GRK1: variants seen among roughly 807,000 people sequenced by gnomAD.
GRK1 encodes the protein rhodopsin kinase GRK1.
Under a neutral mutation model 41.7 loss-of-function variants are expected in GRK1, and 28 were observed. The ratio of observed to expected loss-of-function variants is 0.67; its 90% CI spans 0.50 to 0.92. The LOEUF (loss-of-function observed/expected upper bound fraction) is 0.92, where lower values mean the gene tolerates loss of function less well. GRK1 is among the 40% of genes least tolerant of loss of function. The probability of loss-of-function intolerance (pLI) is 0.00; values close to 1 mark genes in which losing one functional copy is unlikely to be tolerated. For missense variants in GRK1, 703 were observed against 671.2 expected, an observed-to-expected ratio of 1.05 and a Z score of -0.52; for synonymous variants, 327 against 286.7, an observed-to-expected ratio of 1.14 and a Z score of -1.42.
intron 4 of GRK1, among the ~76,000 whole-genome samples, chr13:113,726,730 G>T (rs534350716): frequency 2.0e-5 from 3 of 152,186 alleles, no homozygotes; most frequent in Admixed American, 6.5e-5. Flanking sequence ...GCTCGTGCCC[G>T]GCCTGGGAGC....
At chr13:113,730,713 G>A (rs1171796432) in intron 4 of GRK1, among the ~76,000 whole-genome samples, 1 of 152,234 alleles carries the variant, frequency 6.6e-6, no homozygotes, top group African/African-American at 2.4e-5. Context: ...CTGGGTCACC[G>A]GACAACTGGA....
At chr13:113,658,102 C>G in the GRK1 span, 2 of 1,612,804 alleles carry the variant, frequency 1.2e-6, no homozygotes, top group Non-Finnish European at 1.7e-6. Context: ...TGGAACTCCT[C>G]CATGCGCTGG....
At chr13:113,732,523 A>G (rs1375947971) in intron 5 of GRK1, among the ~76,000 whole-genome samples, 1 of 152,136 alleles carries the variant, frequency 6.6e-6, no homozygotes, top group Non-Finnish European at 1.5e-5. Context: ...AAGACAACAG[A>G]GCCACCGAGG....
At chr13:113,726,894 G>A (rs947829273) in intron 4 of GRK1, among the ~76,000 whole-genome samples, 7 of 152,220 alleles carry the variant, frequency 4.6e-5, no homozygotes, top group African/African-American at 1.7e-4. Context: ...ACTCTTTTGG[G>A]GAAAAAGGAT....
chr13:113,669,076 C>G (rs2049839318), intron 1 of GRK1, among the ~76,000 whole-genome samples: 1 of 152,190 alleles, frequency 6.6e-6, no homozygotes, highest in South Asian at 2.1e-4. Flanking sequence ...TAAATTTAAC[C>G]CAACATTCAG....
chr13:113,728,451 C>CGAT (rs1236482643), intron 4 of GRK1, among the ~76,000 whole-genome samples: 16 of 136,612 alleles, frequency 1.2e-4, no homozygotes, highest in South Asian at 7.3e-4. Flanking sequence ...GTACCCATGG[C>CGAT]GAGGAGTACC....
At chr13:113,665,449 G>A (rs140949399), upstream of GRK1, among the ~76,000 whole-genome samples, 5 of 150,478 alleles carry the variant, frequency 3.3e-5, no homozygotes, top group Non-Finnish European at 7.4e-5. Context: ...CATTGCAGGT[G>A]TGCCCCAGTT....
rs2140715068 is a variant in GRK1, at chr13:113,667,325, A to G, written c.-62A>G. 7.6e-6 allele frequency: 11 copies of G among 1,450,276 alleles called. No individual in the cohort carries two copies. In the South Asian group the frequency reaches 1.6e-4, roughly 21 times the overall value. 89.8% of individuals were successfully genotyped at this position (1,450,276 alleles called of 1,614,324 possible). On this transcript the variant is annotated 5_prime_UTR_variant, in exon 1 of 7. Coordinates refer to ENST00000335678, the MANE Select transcript of GRK1 (RefSeq NM_002929.3). The surrounding 1 kb of genome is among the most constrained non-coding windows in gnomAD (Gnocchi z 7.5). ...GCAGTCAGGCCTGCTCTGTCTGTGA[A>G]CGCTCCCGGCTTGGCCTCGGCTGAT...
the GRK1 span, among the ~76,000 whole-genome samples, chr13:113,659,713 G>A: frequency 1.3e-5 from 2 of 152,068 alleles, no homozygotes; most frequent in Admixed American, 6.5e-5. Flanking sequence ...GATTACAAGC[G>A]TGAGCCCCTG....
chr13:113,662,750 G>A (rs1281716522), upstream of GRK1, among the ~76,000 whole-genome samples: 4 of 152,136 alleles, frequency 2.6e-5, no homozygotes, highest in Non-Finnish European at 5.9e-5. Context: ...AACATGTACA[G>A]GACTTGCATG....
chr13:113,658,629 G>GC, the GRK1 span, among the ~76,000 whole-genome samples: 3 of 152,172 alleles, frequency 2.0e-5, no homozygotes, highest in Non-Finnish European at 4.4e-5. Flanking sequence ...GGCTCCCTGG[G>GC]CCCCCCGCTG....
Position 113,731,522 on chromosome 13 carries a change from C to T in GRK1, c.1194+179C>T. On this transcript the variant is annotated intron_variant, in intron 5 of 6. Transcript: ENST00000335678. This position sits in a 1 kb window ranked among gnomAD's most constrained non-coding sequence, Gnocchi z 5.6. ...GCTCCTGGGCCATGCTGTTCTGTCT[C>T]AGTGGGTGACGCCCCCAGCCCCTGA... The T allele has an allele frequency of 4.3e-6, 2 of 459,806 alleles. No homozygotes were observed. Among genetic ancestry groups the T allele is most frequent in the Non-Finnish European group, 5.7e-6 (2 of 349,770 alleles). 28.5% of individuals were successfully genotyped at this position (459,806 alleles called of 1,614,324 possible).
In GRK1 at chr13:113,731,379, T is replaced by G. The variant is rs539112731; in HGVS notation, c.1194+36T>G. On this transcript the variant is annotated intron_variant, in intron 5 of 6. Transcript: ENST00000335678. This position sits in a 1 kb window ranked among gnomAD's most constrained non-coding sequence, Gnocchi z 5.6. ...GCCGGCAGGTGTCTCTGCAGCCACC[T>G]TGGCGCCCTGGCTCTCGATGGGGAC... The G allele has an allele frequency of 1.5e-5, 23 of 1,535,762 alleles. No homozygotes were observed. Among genetic ancestry groups the G allele is most frequent in the Non-Finnish European group, 2.0e-5 (23 of 1,146,368 alleles).
At chr13:113,652,262 C>T in the GRK1 span, among the ~76,000 whole-genome samples, 127 of 152,370 alleles carry the variant, frequency 8.3e-4, no homozygotes, top group African/African-American at 3.0e-3. Flanking sequence ...CACAGCCCCT[C>T]CATGCCGGCA....
upstream of GRK1, among the ~76,000 whole-genome samples, chr13:113,666,019 G>GGT: frequency 7.1e-6 from 1 of 141,038 alleles, no homozygotes; most frequent in Admixed American, 7.0e-5. Context: ...AGCTGTCTCA[G>GGT]GTGTCTCAGG....
At chr13:113,733,726 C>CATACATGTGT (rs1566699789) in intron 6 of GRK1, among the ~76,000 whole-genome samples, 1 of 86,412 alleles carries the variant, frequency 1.2e-5, no homozygotes, top group African/African-American at 4.9e-5. Flanking sequence ...CGTGTGTGTG[C>CATACATGTGT]GCGCGTGTGT....
chr13:113,672,692 T>TC (rs2049865285), intron 3 of GRK1, among the ~76,000 whole-genome samples: 1 of 74,118 alleles, frequency 1.3e-5, no homozygotes, highest in Non-Finnish European at 2.3e-5. Flanking sequence ...ACCAAAATGT[T>TC]CTTTCAGTGT....
At chr13:113,735,041 G>A in intron 6 of GRK1, 27 bp from the exon 7 acceptor site, 1 of 1,468,566 alleles carries the variant, frequency 6.8e-7, no homozygotes, top group Non-Finnish European at 9.0e-7. Flanking sequence ...CGAGGAGCCT[G>A]GCGTCTGTGT....
rs777007025 is a variant in GRK1, at chr13:113,668,080, T to C, written c.694T>C (p.Tyr232His). The C allele has an allele frequency of 4.4e-6, 7 of 1,604,794 alleles. No homozygotes were observed. In the South Asian group the frequency reaches 7.8e-5, roughly 18 times the overall value. The change falls in exon 1 of 7, where the codon TAC (tyrosine) becomes CAC (histidine). Residue 232 changes from tyrosine to histidine, a missense_variant. Tyr to His is a moderately conservative substitution (Grantham distance 83). Coordinates refer to ENST00000335678, the MANE Select transcript of GRK1 (RefSeq NM_002929.3). Reference protein sequence around the residue: ...NKKRLKKRKGYQGAMVEKKIL... With the variant: ...NKKRLKKRKGHQGAMVEKKIL... ...GAAGCGGCTGAAGAAGAGGAAGGGCTACCAGGTGAGCAGCGCGACCCGGCC... is the reference window on the plus strand; with the variant it reads ...GAAGCGGCTGAAGAAGAGGAAGGGCCACCAGGTGAGCAGCGCGACCCGGCC...
Sources: gnomAD v4.1 joint callset for allele counts (sites outside exome capture counted in the v4.1 genomes callset) on GRCh38, gnomAD v4.1.1 for gene constraint, Gnocchi (gnomAD v3.1) non-coding constraint, MANE v1.5 for transcripts, NCBI Gene and HGNC (gene_info 2026-07-23, HGNC 2026-07-21) for gene names.